Variants in AAK1 observed in about 807,000 individuals in gnomAD.
The protein encoded by AAK1 is AP2 associated kinase 1, also known as AP2-associated protein kinase 1.
Under a neutral mutation model 116.0 loss-of-function variants are expected in AAK1, and 37 were observed. That is an observed-to-expected ratio of 0.32 (90% CI 0.25 to 0.42). The LOEUF is 0.42. Ranked by LOEUF, AAK1 falls within the 10% of genes least tolerant of loss-of-function variation. AAK1 has a pLI of 1.00. For synonymous variants in AAK1, 458 were observed against 439.9 expected (o/e 1.04, Z -0.51); for missense variants, 919 against 1,170.6 (o/e 0.79, Z 3.14).
At chr2:69,620,498 C>G (rs1164934253) in intron 2 of AAK1, among the ~76,000 whole-genome samples, 1 of 152,228 alleles carries the variant, frequency 6.6e-6, no homozygotes, top group East Asian at 1.9e-4. Flanking sequence ...GGTGCTCCCA[C>G]TCACCAACTC....
intron 13 of AAK1, among the ~76,000 whole-genome samples, chr2:69,512,804 A>C (rs539102691): frequency 6.6e-6 from 1 of 152,236 alleles, no homozygotes; most frequent in South Asian, 2.1e-4. Context: ...AAGGGAGTAG[A>C]CACTTTTGTG....
At chr2:69,625,725 A>G (rs1674867273) in intron 2 of AAK1, among the ~76,000 whole-genome samples, 1 of 152,272 alleles carries the variant, frequency 6.6e-6, no homozygotes, top group South Asian at 2.1e-4. Flanking sequence ...CAGGAAATAT[A>G]TGTATAAAAT....
chr2:69,500,696 T>C (rs185999622), intron 16 of AAK1, among the ~76,000 whole-genome samples: 6,056 of 99,078 alleles, frequency 0.061, 427 homozygotes, highest in East Asian at 0.24. Flanking sequence ...TATATATATA[T>C]ATACACACAC....
intron 17 of AAK1, among the ~76,000 whole-genome samples, chr2:69,485,226 TAAAAAGTAAAG>T (rs1247479451): frequency 6.6e-6 from 1 of 152,178 alleles, no homozygotes; most frequent in East Asian, 1.9e-4. Flanking sequence ...AAGCAATGGA[TAAAAAGTAAAG>T]ACCCAAAATT....
chr2:69,640,047 ACACACACTCT>A (rs1164261093), intron 2 of AAK1, among the ~76,000 whole-genome samples: 6 of 135,512 alleles, frequency 4.4e-5, no homozygotes, highest in African/African-American at 1.7e-4. Context: ...ACACACACAC[ACACACACTCT>A]CTCTCTCTCT....
intron 2 of AAK1, among the ~76,000 whole-genome samples, chr2:69,613,268 G>A (rs1674166419): frequency 1.3e-5 from 2 of 152,144 alleles, no homozygotes; most frequent in Admixed American, 6.5e-5. Flanking sequence ...ATATTTGGTC[G>A]TTGCCCCTGA....
intron 5 of AAK1, among the ~76,000 whole-genome samples, chr2:69,534,075 C>T (rs1031212746): frequency 2.6e-5 from 4 of 152,148 alleles, no homozygotes; most frequent in African/African-American, 9.7e-5. Context: ...AAAATAACAG[C>T]CATCATTTTC....
At chr2:69,531,629 G>A (rs1265157686) in intron 6 of AAK1, 20 of 991,140 alleles carry the variant, frequency 2.0e-5, no homozygotes, top group Non-Finnish European at 2.3e-5. Context: ...CGCCTTATGA[G>A]CAGGAAGAAA....
intron 2 of AAK1, among the ~76,000 whole-genome samples, chr2:69,608,551 A>G (rs745892787): frequency 2.0e-5 from 3 of 152,256 alleles, no homozygotes; most frequent in Admixed American, 6.5e-5. Flanking sequence ...GAAATAGGAA[A>G]GACTGAATGG....
intron 2 of AAK1, among the ~76,000 whole-genome samples, chr2:69,621,557 C>T (rs1674628947): frequency 6.6e-6 from 1 of 152,028 alleles, no homozygotes; most frequent in Admixed American, 6.5e-5. Flanking sequence ...AGTAGAAGTC[C>T]AGCTGAACCC....
chr2:69,533,453 G>A lies in AAK1; in HGVS notation c.535-1291C>T, dbSNP rs139766945. Reference sequence around the variant, plus strand: ...ATAATAGTCTCTAATTTCTATACTTGTTTCTATACTTTCTTTTAATTCTTC... The same window carrying A: ...ATAATAGTCTCTAATTTCTATACTTATTTCTATACTTTCTTTTAATTCTTC... On this transcript the variant is annotated intron_variant, in intron 5 of 21. Coordinates refer to ENST00000409085, the MANE Select transcript of AAK1 (RefSeq NM_014911.5). 2.3e-3 allele frequency among the ~76,000 whole-genome samples: 345 copies of A among 152,144 alleles called. 2 individuals are homozygous for A. The highest frequency in any genetic ancestry group is 7.7e-3 in the African/African-American group (320 of 41,488).
chr2:69,629,259 C>T (rs1309663661), intron 2 of AAK1, among the ~76,000 whole-genome samples: 1 of 152,224 alleles, frequency 6.6e-6, no homozygotes, highest in African/African-American at 2.4e-5. Context: ...TAATTTACTG[C>T]AGGCCAATGC....
chr2:69,484,390 G>C (rs1351606887), intron 17 of AAK1, among the ~76,000 whole-genome samples: 1 of 152,180 alleles, frequency 6.6e-6, no homozygotes. Context: ...TGCAGAAAAA[G>C]ACTTATATGT....
In AAK1 at chr2:69,467,166, C is replaced by T. The variant is rs971695872; in HGVS notation, c.*8703G>A. ...GGGAGCATACAGCATCAAAATCAGA[C>T]CAAATAAATCACCTTCAGCTGGAGT... On this transcript the variant is annotated 3_prime_UTR_variant, in exon 22 of 22. Transcript: ENST00000409085. 1.1e-5 allele frequency: 11 copies of T among 985,428 alleles called. No individual in the cohort carries two copies. Among genetic ancestry groups the T allele is most frequent in the Non-Finnish European group, 1.3e-5 (11 of 829,936 alleles). The allele number at this position is 985,428 out of a possible 1,614,324, so 61.0% of individuals were successfully genotyped here.
intron 2 of AAK1, among the ~76,000 whole-genome samples, chr2:69,606,948 C>T (rs1456179988): frequency 6.6e-5 from 10 of 151,306 alleles, no homozygotes; most frequent in Admixed American, 6.6e-4. Flanking sequence ...TGCCTGTAGT[C>T]CCAGCTACTT....
chr2:69,502,042 G>T (rs1458229294), intron 16 of AAK1, among the ~76,000 whole-genome samples: 2 of 151,918 alleles, frequency 1.3e-5, no homozygotes, highest in African/African-American at 4.8e-5. Context: ...GAAAACAGAA[G>T]ATTTTATAAA....
intron 2 of AAK1, among the ~76,000 whole-genome samples, chr2:69,571,601 T>C (rs1283436931): frequency 6.6e-6 from 1 of 152,238 alleles, no homozygotes; most frequent in Non-Finnish European, 1.5e-5. Flanking sequence ...TCAATAATTT[T>C]AACAATTACA....
At chr2:69,563,774 T>C (rs1476177429) in intron 2 of AAK1, among the ~76,000 whole-genome samples, 1 of 152,232 alleles carries the variant, frequency 6.6e-6, no homozygotes, top group Non-Finnish European at 1.5e-5. Flanking sequence ...AATAATAGTG[T>C]TCTGAAGCTT....
intron 2 of AAK1, among the ~76,000 whole-genome samples, chr2:69,632,276 A>C (rs2105260333): frequency 6.6e-6 from 1 of 152,352 alleles, no homozygotes; most frequent in South Asian, 2.1e-4. Flanking sequence ...GCTGAACTAG[A>C]CATGTTCTCT....
Sources: gnomAD v4.1 joint callset for allele counts (sites outside exome capture counted in the v4.1 genomes callset) on GRCh38, gnomAD v4.1.1 for gene constraint, MANE v1.5 for transcripts, NCBI Gene and HGNC (gene_info 2026-07-23, HGNC 2026-07-21) for gene names.